Variants in ZNF215 observed in about 807,000 individuals in gnomAD.
The protein encoded by ZNF215 is BWSCR2-associated zinc finger protein 2.
ZNF215 carries 24 observed loss-of-function variants against 27.2 expected under a neutral mutation model. The ratio of observed to expected loss-of-function variants is 0.88; its 90% CI spans 0.64 to 1.24. The LOEUF is 1.24. Ranked by LOEUF, ZNF215 falls within the 50% of genes most tolerant of loss-of-function variation. The pLI, the probability that ZNF215 is intolerant of heterozygous loss-of-function variation, is 0.00. For missense variants in ZNF215, 675 were observed against 605.7 expected, an observed-to-expected ratio of 1.11 and a Z score of -1.20; for synonymous variants, 210 against 204.0, an observed-to-expected ratio of 1.03 and a Z score of -0.25.
intron 3 of ZNF215, among the ~76,000 whole-genome samples, chr11:6,937,546 G>A (rs1849481995): frequency 3.7e-5 from 5 of 135,004 alleles, no homozygotes; most frequent in South Asian, 2.3e-4. Context: ...AAATTCATAA[G>A]GAATTGGAAA....
At chr11:6,938,379 T>C (rs1849512785) in intron 3 of ZNF215, among the ~76,000 whole-genome samples, 1 of 152,034 alleles carries the variant, frequency 6.6e-6, no homozygotes, top group Non-Finnish European at 1.5e-5. Context: ...TATATCGTTG[T>C]TGGGAATATA....
intron 5 of ZNF215, among the ~76,000 whole-genome samples, chr11:6,969,654 CAA>C (rs1164626469): frequency 6.6e-6 from 1 of 151,970 alleles, no homozygotes; most frequent in Admixed American, 6.6e-5. Context: ...AGAATTATCT[CAA>C]GATTTAAAAT....
At position 6,983,960 on chromosome 11, in the gene ZNF215, C is replaced by G. The variant is rs888961471; in HGVS notation, c.806-169C>G. Among the ~76,000 whole-genome samples, 14 of 152,014 alleles carry G rather than the reference C, an allele frequency of 9.2e-5. No individual in the cohort carries two copies. The South Asian group carries it at 1.0e-3, about 11-fold the overall frequency. On this transcript the variant is annotated intron_variant, in intron 5 of 5. Transcript: ENST00000529903. ...AGAATTATAAAGTTTAACACCAATA[C>G]AGTATTTTTTCTCTTATGAGACTAA...
rs745819039 is a variant in ZNF215 at position 6,955,924 on chromosome 11, G to A, written c.947G>A (p.Ser316Asn). 7.4e-6 allele frequency: 12 copies of A among 1,612,352 alleles called. No homozygotes were observed. The South Asian group carries it at 1.3e-4, about 18-fold the overall frequency. ...AAAAGCTTTGATATTAATTCAGTTA[G>A]CTCAATTTGTGCTATACAAGTGGGA... ...NKKSFDINSV[S>N]SICAIQVGIP... The change falls in exon 7 of 7, where the codon AGC (serine) becomes AAC (asparagine). Residue 316 changes from serine to asparagine, a missense_variant. By Grantham distance (46) the Ser-to-Asn change is conservative (BLOSUM62 1). Transcript: ENST00000278319.
At chr11:6,931,997 A>C in intron 2 of ZNF215, 97 bp from the exon 3 acceptor site, 1 of 305,736 alleles carries the variant, frequency 3.3e-6, no homozygotes. Flanking sequence ...AGAATCCATA[A>C]TATGCATTTT....
intron 5 of ZNF215, among the ~76,000 whole-genome samples, chr11:6,980,387 A>G (rs1440587650): frequency 1.3e-5 from 2 of 152,076 alleles, no homozygotes; most frequent in African/African-American, 2.4e-5. Flanking sequence ...AAGTGATTCA[A>G]AAGTCTACAA....
In ZNF215 at chr11:6,931,098, CCTGA is replaced by C. The variant is rs1285237646; in HGVS notation, c.-179-991_-179-988del. Among the ~76,000 whole-genome samples, 5 of 152,258 alleles carry C rather than the reference CCTGA, an allele frequency of 3.3e-5. No homozygotes were observed. In the East Asian group the frequency reaches 9.6e-4, roughly 29 times the overall value. ...CAGATTTCCCCTGTTGGTAAAATAT[CCTGA>C]CTGAGAACCACTGACCTTAGATAAT... On this transcript the variant is annotated intron_variant, in intron 2 of 6. Coordinates refer to ENST00000278319, the MANE Select transcript of ZNF215 (RefSeq NM_013250.4).
At chr11:6,963,765 A>G (rs975817667) in intron 5 of ZNF215, among the ~76,000 whole-genome samples, 2 of 152,140 alleles carry the variant, frequency 1.3e-5, no homozygotes, top group Admixed American at 1.3e-4. Flanking sequence ...GGATGAGAGT[A>G]CCTGATGTTC....
downstream of ZNF215, among the ~76,000 whole-genome samples, chr11:6,991,421 C>G (rs1301835092): frequency 6.6e-6 from 1 of 152,196 alleles, no homozygotes; most frequent in Non-Finnish European, 1.5e-5. Flanking sequence ...CAGCACACAC[C>G]GTCGGGGCTG....
At chr11:6,973,006 A>G (rs1850749103) in intron 5 of ZNF215, among the ~76,000 whole-genome samples, 1 of 152,046 alleles carries the variant, frequency 6.6e-6, no homozygotes, top group Non-Finnish European at 1.5e-5. Flanking sequence ...TGCTGTACCC[A>G]TTAACTCGTC....
At chr11:6,977,984 C>T (rs556122019) in intron 5 of ZNF215, among the ~76,000 whole-genome samples, 9 of 152,108 alleles carry the variant, frequency 5.9e-5, no homozygotes, top group African/African-American at 1.4e-4. Flanking sequence ...GACTCAAATC[C>T]GGGAAAAGGC....
intron 6 of ZNF215, among the ~76,000 whole-genome samples, chr11:6,948,650 C>T (rs1037998581): frequency 1.3e-5 from 2 of 151,928 alleles, no homozygotes; most frequent in East Asian, 1.9e-4. Context: ...TATGTGAGTG[C>T]GAAGCTGACA....
downstream of ZNF215, among the ~76,000 whole-genome samples, chr11:6,959,955 T>C (rs939916546): frequency 6.6e-6 from 1 of 152,124 alleles, no homozygotes; most frequent in Non-Finnish European, 1.5e-5. Flanking sequence ...TATTTACATA[T>C]ATATCATATA....
chr11:6,936,301 T>G (rs1233102230), intron 3 of ZNF215, among the ~76,000 whole-genome samples: 1 of 151,904 alleles, frequency 6.6e-6, no homozygotes, highest in African/African-American at 2.4e-5. Flanking sequence ...TCAGGAAAAG[T>G]GGGGACAATA....
chr11:6,971,461 A>C (rs77413608), intron 5 of ZNF215, among the ~76,000 whole-genome samples: 1,673 of 152,240 alleles, frequency 0.011, 26 homozygotes, highest in African/African-American at 0.039. Context: ...GACAGCAATA[A>C]ATTTTTCTGT....
At chr11:6,974,471 T>C (rs1162508463) in intron 5 of ZNF215, among the ~76,000 whole-genome samples, 1 of 152,212 alleles carries the variant, frequency 6.6e-6, no homozygotes, top group East Asian at 1.9e-4. Flanking sequence ...ATTGAATCTA[T>C]AAATTACCTT....
At chr11:6,955,418 A>G (rs1850289569) in intron 6 of ZNF215, among the ~76,000 whole-genome samples, 1 of 152,198 alleles carries the variant, frequency 6.6e-6, no homozygotes, top group African/African-American at 2.4e-5. Context: ...ATGATATGCC[A>G]CCCGCATCCT....
At chr11:6,976,054 G>T (rs904094861) in intron 5 of ZNF215, among the ~76,000 whole-genome samples, 1 of 152,062 alleles carries the variant, frequency 6.6e-6, no homozygotes, top group Non-Finnish European at 1.5e-5. Flanking sequence ...GGGGTGAAAT[G>T]ATATGTCATT....
intron 2 of ZNF215, among the ~76,000 whole-genome samples, chr11:6,930,374 C>G (rs1039886191): frequency 1.3e-5 from 2 of 152,092 alleles, no homozygotes; most frequent in African/African-American, 4.8e-5. Context: ...ATTTATGTAA[C>G]CATCTTCATC....
Sources: gnomAD v4.1 joint callset for allele counts (sites outside exome capture counted in the v4.1 genomes callset) on GRCh38, gnomAD v4.1.1 for gene constraint, MANE v1.5 for transcripts, NCBI Gene and HGNC (gene_info 2026-07-23, HGNC 2026-07-21) for gene names.